TSHR: variants seen among roughly 807,000 people sequenced by gnomAD.
The protein encoded by TSHR is thyroid stimulating hormone receptor.
Under a neutral mutation model 64.1 loss-of-function variants are expected in TSHR, and 51 were observed. The observed-to-expected ratio is 0.80, with a 90% CI of 0.64 to 1.01. The LOEUF is 1.01. TSHR is among the 50% of genes least tolerant of loss of function. The pLI is 0.00. For synonymous variants in TSHR, 361 were observed against 361.9 expected (o/e 1.00, Z 0.03); for missense variants, 877 against 942.8 (o/e 0.93, Z 0.91).
At chr14:80,986,430 A>T (rs1432926081) in intron 1 of TSHR, among the ~76,000 whole-genome samples, 1 of 152,200 alleles carries the variant, frequency 6.6e-6, no homozygotes, top group Admixed American at 6.5e-5. Flanking sequence ...TAGCTATTAT[A>T]CGTAGCTAAC....
In TSHR at chr14:80,955,702, C is replaced by G; in HGVS notation, c.22C>G (p.Gln8Glu). 3 of 1,614,110 alleles carry G rather than the reference C, an allele frequency of 1.9e-6. No homozygotes were observed. The highest frequency in any genetic ancestry group is 1.1e-5 in the South Asian group (1 of 91,080). MRPADLL[Q>E]LVLLLDLPRD... is the part of the protein sequence containing the mutation. Reference sequence around the variant, plus strand: ...GAAAATGAGGCCGGCGGACTTGCTGCAGCTGGTGCTGCTGCTCGACCTGCC... The same window carrying G: ...GAAAATGAGGCCGGCGGACTTGCTGGAGCTGGTGCTGCTGCTCGACCTGCC... The change falls in exon 1 of 10, where the codon CAG (glutamine) becomes GAG (glutamate). Residue 8 changes from glutamine to glutamate, a missense_variant. Physicochemically the swap from Gln to Glu is conservative, Grantham distance 29. Coordinates refer to ENST00000298171, the MANE Select transcript of TSHR (RefSeq NM_000369.5).
At chr14:81,098,822 G>A (rs1889383175) in intron 7 of TSHR, among the ~76,000 whole-genome samples, 1 of 152,078 alleles carries the variant, frequency 6.6e-6, no homozygotes, top group African/African-American at 2.4e-5. Flanking sequence ...CCAGAATGGT[G>A]GATTAGAGAA....
At chr14:81,142,618 T>G (rs900104616) in intron 9 of TSHR, among the ~76,000 whole-genome samples, 14 of 150,024 alleles carry the variant, frequency 9.3e-5, no homozygotes, top group Non-Finnish European at 1.6e-4. Context: ...TTTTTTTTTT[T>G]TTTTTTTTGA....
intron 4 of TSHR, among the ~76,000 whole-genome samples, chr14:81,088,503 G>A (rs1452172141): frequency 6.6e-6 from 1 of 152,164 alleles, no homozygotes. Flanking sequence ...AGCACTCACT[G>A]CTTTGCTTTG....
At chr14:80,984,340 G>A (rs1409656710) in intron 1 of TSHR, among the ~76,000 whole-genome samples, 25 of 152,166 alleles carry the variant, frequency 1.6e-4, no homozygotes, top group Admixed American at 1.6e-3. Context: ...CAAAAGAGAA[G>A]GTGGAAACAT....
intron 1 of TSHR, among the ~76,000 whole-genome samples, chr14:81,010,084 A>G (rs1889825693): frequency 1.3e-5 from 2 of 151,748 alleles, no homozygotes; most frequent in Admixed American, 6.6e-5. Context: ...TCTTGCTCTC[A>G]TTTTCCTGAT....
intron 1 of TSHR, among the ~76,000 whole-genome samples, chr14:81,037,777 T>C (rs1016214639): frequency 2.0e-5 from 3 of 152,018 alleles, no homozygotes; most frequent in Admixed American, 6.5e-5. Flanking sequence ...TAGCAACCAA[T>C]TAAAACAATT....
intron 2 of TSHR, among the ~76,000 whole-genome samples, chr14:81,065,435 T>G (rs1886541335): frequency 6.6e-6 from 1 of 152,012 alleles, no homozygotes; most frequent in South Asian, 2.1e-4. Context: ...AAGATGGAGG[T>G]GGCAGAGTTA....
At chr14:81,013,840 T>C (rs1244610808) in intron 1 of TSHR, 1 of 152,198 alleles carries the variant, frequency 6.6e-6, no homozygotes, top group Admixed American at 6.5e-5. Context: ...ATCATCTATA[T>C]TTACTTGGCT....
At chr14:81,043,074 T>C (rs908598225) in intron 1 of TSHR, among the ~76,000 whole-genome samples, 7 of 152,206 alleles carry the variant, frequency 4.6e-5, no homozygotes, top group African/African-American at 1.7e-4. Context: ...CAACATAGCA[T>C]TGGAAGTTCT....
At chr14:81,108,246 G>A (rs562202123) in intron 7 of TSHR, 129 bp from the exon 8 acceptor site, 4 of 795,406 alleles carry the variant, frequency 5.0e-6, no homozygotes, top group East Asian at 5.1e-5. Flanking sequence ...AGAAGATAAA[G>A]TATCTTCTAA....
chr14:81,133,832 A>G (rs1437578512), intron 8 of TSHR, among the ~76,000 whole-genome samples: 1 of 152,202 alleles, frequency 6.6e-6, no homozygotes, highest in Non-Finnish European at 1.5e-5. Context: ...AGAGAAAGGA[A>G]CCTTTAACAA....
intron 3 of TSHR, among the ~76,000 whole-genome samples, chr14:81,073,021 AATATATAT>A (rs60115249): frequency 2.1e-5 from 1 of 48,566 alleles, no homozygotes; most frequent in Non-Finnish European, 4.4e-5. Flanking sequence ...ATAAAAAATA[AATATATAT>A]ATATATATAT....
Position 81,143,515 on chromosome 14 carries a change from T to C in TSHR, c.1457T>C (p.Ile486Thr). 6.2e-7 allele frequency: 1 copy of C among 1,613,818 alleles called. No homozygotes were observed. The highest frequency in any genetic ancestry group is 8.5e-7 in the Non-Finnish European group (1 of 1,180,046). ...YTHSEYYNHAIDWQTGPGCNT... is the reference protein window; with the variant it reads ...YTHSEYYNHATDWQTGPGCNT... ...CACTCTGAGTACTACAACCATGCCATCGACTGGCAGACAGGCCCTGGGTGC... is the reference window on the plus strand; with the variant it reads ...CACTCTGAGTACTACAACCATGCCACCGACTGGCAGACAGGCCCTGGGTGC... Residue 486 changes from isoleucine (I) to threonine (T), a missense_variant, in exon 10 of 10, where the codon ATC (isoleucine) becomes ACC (threonine). By Grantham distance (89) the Ile-to-Thr change is moderately conservative. Transcript: ENST00000298171.
intron 8 of TSHR, among the ~76,000 whole-genome samples, chr14:81,111,883 A>G (rs988156197): frequency 4.6e-5 from 7 of 152,190 alleles, no homozygotes; most frequent in African/African-American, 1.7e-4. Flanking sequence ...GCACTTAAAG[A>G]GCAATCATAT....
chr14:81,100,168 T>G (rs1889483995), intron 7 of TSHR, among the ~76,000 whole-genome samples: 1 of 152,312 alleles, frequency 6.6e-6, no homozygotes, highest in Non-Finnish European at 1.5e-5. Flanking sequence ...TAAAAGAAAT[T>G]TATGATCTTA....
intron 8 of TSHR, 28 bp downstream of exon 8, chr14:81,108,480 T>A: frequency 9.2e-7 from 1 of 1,092,580 alleles, no homozygotes; most frequent in Non-Finnish European, 1.3e-6. Context: ...AAGAATATTT[T>A]AGTCTTTTTT....
intron 8 of TSHR, among the ~76,000 whole-genome samples, chr14:81,138,118 T>C (rs1891526905): frequency 6.6e-6 from 1 of 152,174 alleles, no homozygotes; most frequent in African/African-American, 2.4e-5. Flanking sequence ...GGTGTTTATT[T>C]ATGCCAGTTT....
At position 81,144,382 on chromosome 14, in the gene TSHR, G is replaced by A; in HGVS notation, c.*29G>A. On this transcript the variant is annotated 3_prime_UTR_variant, in exon 10 of 10. Transcript: ENST00000298171. The stretch of plus-strand genomic sequence containing the variant: ...AACACTACACTACTCACAATGGTAG[G>A]GGAACTTACAAAATAATAGTTTCTT... 1 of 1,607,864 alleles carries A rather than the reference G, an allele frequency of 6.2e-7. No homozygotes were observed. The highest frequency in any genetic ancestry group is 8.5e-7 in the Non-Finnish European group (1 of 1,175,012).
Sources: gnomAD v4.1 joint callset for allele counts (sites outside exome capture counted in the v4.1 genomes callset) on GRCh38, gnomAD v4.1.1 for gene constraint, MANE v1.5 for transcripts, NCBI Gene and HGNC (gene_info 2026-07-23, HGNC 2026-07-21) for gene names.